Variants in TARS2 observed in about 807,000 individuals in gnomAD.
The protein encoded by TARS2 is threonyl-tRNA synthetase 2, mitochondrial, also known as threonine--tRNA ligase, mitochondrial.
A neutral mutation model predicts 94.4 loss-of-function variants in TARS2; 61 were observed. The ratio of observed to expected loss-of-function variants is 0.65; its 90% CI spans 0.53 to 0.80. TARS2 has a LOEUF of 0.80. TARS2 is among the 30% of genes least tolerant of loss of function. The pLI, the probability that TARS2 is intolerant of heterozygous loss-of-function variation, is 0.00. For missense variants in TARS2, 704 were observed against 902.5 expected, an observed-to-expected ratio of 0.78 and a Z score of 2.82; for synonymous variants, 359 against 353.4, an observed-to-expected ratio of 1.02 and a Z score of -0.18.
At position 150,496,550 on chromosome 1, in the gene TARS2, C is replaced by T; in HGVS notation, c.843C>T (p.Phe281=). The T allele has an allele frequency of 6.2e-7, 1 of 1,614,096 alleles. No homozygotes were observed. The change falls in exon 8 of 18, where the codon TTC becomes TTT. Residue 281 remains phenylalanine, a synonymous_variant. Coordinates refer to ENST00000369064, the MANE Select transcript of TARS2 (RefSeq NM_025150.5). ...ETLQRVSGIS[F]PTTELLRVWE... is the part of the protein sequence containing the mutation. The stretch of plus-strand genomic sequence containing the variant: ...TGCAGAGAGTGTCAGGGATTTCCTT[C>T]CCCACAACAGAATTGCTGAGGGTCT...
At chr1:150,496,707 G>A (rs1669677920) in intron 8 of TARS2, 79 bp downstream of exon 8, 1 of 1,599,358 alleles carries the variant, frequency 6.3e-7, no homozygotes, top group Non-Finnish European at 8.5e-7. Context: ...GAAATTGGGA[G>A]CAGATTCAGT....
At position 150,490,663 on chromosome 1, in the gene TARS2, T is replaced by G. The variant is rs1669342607; in HGVS notation, c.450T>G (p.Val150=). ...GAAAEQFLGA[V]LCRGPSTEYG... The stretch of plus-strand genomic sequence containing the variant: ...CAGCTGAACAATTCCTAGGTGCTGT[T>G]CTCTGCAGAGGTCCAAGTACAGAAT... The change falls in exon 4 of 18, where the codon GTT becomes GTG. Residue 150 remains valine (V), a synonymous_variant. Coordinates refer to ENST00000369064, the MANE Select transcript of TARS2 (RefSeq NM_025150.5). 1 of 1,613,940 alleles carries G rather than the reference T, an allele frequency of 6.2e-7. No individual in the cohort carries two copies. Among genetic ancestry groups the G allele is most frequent in the African/African-American group, 1.3e-5 (1 of 74,902 alleles).
At chr1:150,500,140 G>A (rs963838319) in intron 13 of TARS2, among the ~76,000 whole-genome samples, 3 of 151,960 alleles carry the variant, frequency 2.0e-5, no homozygotes, top group Admixed American at 2.0e-4. Flanking sequence ...GCGCCCCACT[G>A]CACTCCAGCC....
chr1:150,495,335 A>G (rs895785211), intron 7 of TARS2, among the ~76,000 whole-genome samples: 8 of 150,486 alleles, frequency 5.3e-5, no homozygotes, highest in African/African-American at 1.7e-4. Context: ...ACAGATGTAT[A>G]TACACACACA....
chr1:150,495,352 C>T (rs1174844921), intron 7 of TARS2, among the ~76,000 whole-genome samples: 2 of 151,514 alleles, frequency 1.3e-5, no homozygotes, highest in Non-Finnish European at 2.9e-5. Context: ...CACACACACA[C>T]GTATAGACTG....
At chr1:150,500,252 A>G (rs1426164424) in intron 13 of TARS2, among the ~76,000 whole-genome samples, 1 of 152,152 alleles carries the variant, frequency 6.6e-6, no homozygotes, top group African/African-American at 2.4e-5. Flanking sequence ...CTGGATTTCA[A>G]AGGACCATTT....
At chr1:150,496,667 G>A (rs377753071) in intron 8 of TARS2, 39 bp downstream of exon 8, 1 of 1,603,654 alleles carries the variant, frequency 6.2e-7, no homozygotes, top group Non-Finnish European at 8.5e-7. Flanking sequence ...TGGTGATAAG[G>A]GTTGGAGAGA....
At chr1:150,493,583 G>A (rs768218938) in intron 7 of TARS2, among the ~76,000 whole-genome samples, 33 of 151,706 alleles carry the variant, frequency 2.2e-4, no homozygotes, top group Middle Eastern at 3.4e-3. Context: ...GAGAAACCCC[G>A]TCTCTACTAA....
chr1:150,498,614 C>T lies in TARS2; in HGVS notation c.1351C>T (p.Leu451=). 6.2e-7 allele frequency: 1 copy of T among 1,612,518 alleles called. No homozygotes were observed. Among genetic ancestry groups the T allele is most frequent in the Non-Finnish European group, 8.5e-7 (1 of 1,179,592 alleles). Residue 451 remains leucine (L), a synonymous_variant, in exon 11 of 18, where the codon CTG becomes TTG. Transcript: ENST00000369064. ...ASGGLGGLTR[L]RCFQQDDAHI... ...TGGTGGTCTGGGGGGACTGACCCGACTGCGGTGCTTCCAGCAGGATGACGC... is the reference window on the plus strand; with the variant it reads ...TGGTGGTCTGGGGGGACTGACCCGATTGCGGTGCTTCCAGCAGGATGACGC...
At chr1:150,492,286 A>G in intron 6 of TARS2, 125 bp from the exon 7 acceptor site, 1 of 996,624 alleles carries the variant, frequency 1.0e-6, no homozygotes. Flanking sequence ...TTTATCTGCC[A>G]TTGCCCTCTC....
intron 7 of TARS2, among the ~76,000 whole-genome samples, chr1:150,493,163 C>T (rs1010180973): frequency 1.3e-5 from 2 of 152,208 alleles, no homozygotes; most frequent in Admixed American, 6.5e-5. Flanking sequence ...GCCACTGAGC[C>T]TGGCCCTGTA....
intron 7 of TARS2, among the ~76,000 whole-genome samples, chr1:150,493,491 C>T (rs181204009): frequency 7.9e-5 from 12 of 152,056 alleles, no homozygotes; most frequent in East Asian, 2.0e-4. Context: ...TGGTGGCTCA[C>T]GCCTATAATC....
At chr1:150,499,708 CAA>C (rs1283080453) in intron 13 of TARS2, among the ~76,000 whole-genome samples, 1 of 152,072 alleles carries the variant, frequency 6.6e-6, no homozygotes, top group Non-Finnish European at 1.5e-5. Context: ...TAAAGAAAAA[CAA>C]TATACTTTCT....
Position 150,489,018 on chromosome 1 carries a change from T to G in TARS2, c.318T>G (p.Asp106Glu). ...CTCAAGTGAATGGAGAACCTTATGATCTGGAGCGGCCCTTGGAGACAGATT... is the reference window on the plus strand; with the variant it reads ...CTCAAGTGAATGGAGAACCTTATGAGCTGGAGCGGCCCTTGGAGACAGATT... ...VAAQVNGEPY[D>E]LERPLETDSD... Residue 106 changes from aspartate to glutamate, a missense_variant, in exon 3 of 18, where the codon GAT becomes GAG. Coordinates refer to ENST00000369064, the MANE Select transcript of TARS2 (RefSeq NM_025150.5). 1 of 1,614,206 alleles carries G rather than the reference T, an allele frequency of 6.2e-7. No homozygotes were observed. Among genetic ancestry groups the G allele is most frequent in the Non-Finnish European group, 8.5e-7 (1 of 1,180,034 alleles).
chr1:150,488,012 T>G lies in TARS2; in HGVS notation c.221T>G (p.Val74Gly). 1 of 1,614,080 alleles carries G rather than the reference T, an allele frequency of 6.2e-7. No homozygotes were observed. The highest frequency in any genetic ancestry group is 1.3e-5 in the African/African-American group (1 of 74,992). The change falls in exon 2 of 18, where the codon GTG becomes GGG. Residue 74 changes from valine to glycine, a missense_variant. Around this residue, in one of 3 missense-constraint regions of TARS2, gnomAD observed 208 missense variants for 228.5 expected, o/e 0.91. Coordinates refer to ENST00000369064, the MANE Select transcript of TARS2 (RefSeq NM_025150.5). The part of the protein sequence containing the change: ...SLPGGQKIDA[V>G]AWNTTPYQLA... ...CCTGGAGGCCAGAAAATTGATGCTG[T>G]GGCATGGAACACAACCCCCTACCAA...
chr1:150,491,030 G>A (rs1669357785), intron 4 of TARS2, among the ~76,000 whole-genome samples: 1 of 150,346 alleles, frequency 6.7e-6, no homozygotes, highest in Non-Finnish European at 1.5e-5. Context: ...CACCCAACTT[G>A]TGTGACACAG....
chr1:150,505,626 T>C lies in TARS2; in HGVS notation c.1929T>C (p.Ser643=). The C allele has an allele frequency of 1.2e-6, 2 of 1,614,160 alleles. No homozygotes were observed. The highest frequency in any genetic ancestry group is 1.7e-6 in the Non-Finnish European group (2 of 1,180,008). Residue 643 remains serine (S), a synonymous_variant, in exon 17 of 18, where the codon AGT becomes AGC. Transcript: ENST00000369064. ...QQSLRAAGLV[S]DLDADSGLTL... ...GCCTGCGGGCTGCAGGACTGGTCAG[T>C]GACCTGGATGCAGACTCTGGACTGA...
At position 150,496,903 on chromosome 1, in the gene TARS2, A is replaced by T. The variant is rs1669687374; in HGVS notation, c.1015A>T (p.Ile339Phe). The T allele has an allele frequency of 1.2e-6, 2 of 1,613,902 alleles. No individual in the cohort carries two copies. Among genetic ancestry groups the T allele is most frequent in the Admixed American group, 1.7e-5 (1 of 59,972 alleles). ...TRVYNALVAFIRAEYAHRGFS... is the reference protein window; with the variant it reads ...TRVYNALVAFFRAEYAHRGFS... ...GGTGTATAATGCACTAGTGGCGTTT[A>T]TCAGGGTAAGGGGACCCAGGTCTAG... Residue 339 changes from isoleucine to phenylalanine, a missense_variant, in exon 9 of 18, where the codon ATC becomes TTC. Ile to Phe is a conservative substitution (Grantham distance 21). Coordinates refer to ENST00000369064, the MANE Select transcript of TARS2 (RefSeq NM_025150.5).
chr1:150,500,305 A>G (rs7513205), intron 13 of TARS2, among the ~76,000 whole-genome samples: 47,639 of 152,140 alleles, frequency 0.31, 8,560 homozygotes, highest in Non-Finnish European at 0.4. Context: ...AGATGAATAA[A>G]TGAGGCCTGT....
Sources: gnomAD v4.1 joint callset for allele counts (sites outside exome capture counted in the v4.1 genomes callset) on GRCh38, gnomAD v4.1.1 for gene constraint, gnomAD v4.1.1 regional missense constraint, MANE v1.5 for transcripts, NCBI Gene and HGNC (gene_info 2026-07-23, HGNC 2026-07-21) for gene names.